WDR37: variants seen among roughly 807,000 people sequenced by gnomAD.
The protein encoded by WDR37 is WD repeat domain 37.
A neutral mutation model predicts 62.9 loss-of-function variants in WDR37; 19 were observed. That is an observed-to-expected ratio of 0.30 (90% confidence interval 0.21 to 0.44). WDR37 has a LOEUF of 0.44. WDR37 is among the 20% of genes least tolerant of loss of function. The probability of loss-of-function intolerance (pLI) is 1.00; values close to 1 mark genes in which losing one functional copy is unlikely to be tolerated. For missense variants in WDR37, 474 were observed against 657.6 expected, an observed-to-expected ratio of 0.72 and a Z score of 3.05; for synonymous variants, 250 against 260.9, an observed-to-expected ratio of 0.96 and a Z score of 0.40.
chr10:1,123,944 C>G (rs781648993), intron 11 of WDR37: 1 of 408,018 alleles, frequency 2.5e-6, no homozygotes, highest in Non-Finnish European at 4.4e-6. Context: ...TCTGTCCAAC[C>G]CTACTTTCTG....
intron 2 of WDR37, among the ~76,000 whole-genome samples, chr10:1,075,391 C>T (rs924318735): frequency 1.3e-5 from 2 of 151,906 alleles, no homozygotes; most frequent in Non-Finnish European, 2.9e-5. Flanking sequence ...ATCAACCTGT[C>T]ACCTACATAA....
At chr10:1,124,145 A>G in intron 11 of WDR37, 73 bp from the exon 12 acceptor site, 2 of 1,593,096 alleles carry the variant, frequency 1.3e-6, no homozygotes, top group Non-Finnish European at 1.7e-6. Context: ...CCACTTGGTC[A>G]GGGTTGTGTG....
At chr10:1,122,960 C>CAT in intron 11 of WDR37, among the ~76,000 whole-genome samples, 1 of 152,170 alleles carries the variant, frequency 6.6e-6, no homozygotes, top group Non-Finnish European at 1.5e-5. Context: ...ATGTCAAACA[C>CAT]TTTTTTTTAC....
At chr10:1,125,192 C>A in intron 13 of WDR37, 168 bp downstream of exon 13, 19 of 791,410 alleles carry the variant, frequency 2.4e-5, no homozygotes, top group Non-Finnish European at 2.9e-5. Flanking sequence ...TAGAGTTGTA[C>A]ACTCAAGTTA....
chr10:1,121,093 C>A lies in WDR37; in HGVS notation c.1104-3125C>A, dbSNP rs1835564857. Among the ~76,000 whole-genome samples the A allele has an allele frequency of 6.6e-6, 1 of 152,234 alleles. No homozygotes were observed. Among genetic ancestry groups the A allele is most frequent in the African/African-American group, 2.4e-5 (1 of 41,470 alleles). ...CCAGTGCACGGCCGTGCGCGCCAGC[C>A]TCCCCATGGGACCTGTGGGCTGAGG... On this transcript the variant is annotated intron_variant, in intron 11 of 13. Coordinates refer to ENST00000263150, the MANE Select transcript of WDR37 (RefSeq NM_014023.4). This position sits in a 1 kb window ranked among gnomAD's most constrained non-coding sequence, Gnocchi z 4.5.
intron 1 of WDR37, among the ~76,000 whole-genome samples, chr10:1,061,420 A>C (rs1308458233): frequency 6.6e-6 from 1 of 152,214 alleles, no homozygotes; most frequent in African/African-American, 2.4e-5. Context: ...ATCCTAATCC[A>C]AAAATTCAAA....
chr10:1,114,866 C>T (rs558989865), intron 11 of WDR37, among the ~76,000 whole-genome samples: 1 of 152,338 alleles, frequency 6.6e-6, no homozygotes, highest in Non-Finnish European at 1.5e-5. Flanking sequence ...CAGGCCATTC[C>T]AGCGTGGGCC....
Position 1,117,076 on chromosome 10 carries a change from A to G in WDR37, c.1104-7142A>G, listed in dbSNP as rs929218601. Reference sequence around the variant, plus strand: ...ATTTTTATTGGTTTATTTTTTTGAGACAGGGCGTCACCCTCTCGCCTAGGC... The same window carrying G: ...ATTTTTATTGGTTTATTTTTTTGAGGCAGGGCGTCACCCTCTCGCCTAGGC... On this transcript the variant is annotated intron_variant, in intron 11 of 13. Coordinates refer to ENST00000263150, the MANE Select transcript of WDR37 (RefSeq NM_014023.4). Among the ~76,000 whole-genome samples, 4 of 152,002 alleles carry G rather than the reference A, an allele frequency of 2.6e-5. No individual in the cohort carries two copies. In the East Asian group the frequency reaches 7.7e-4, roughly 29 times the overall value.
At chr10:1,112,261 A>G (rs1454884796) in intron 11 of WDR37, among the ~76,000 whole-genome samples, 1 of 152,212 alleles carries the variant, frequency 6.6e-6, no homozygotes, top group Non-Finnish European at 1.5e-5. Flanking sequence ...GAGGGTGGTC[A>G]GTGACTTTTG....
At chr10:1,067,546 T>G (rs535755994) in intron 1 of WDR37, among the ~76,000 whole-genome samples, 76 of 152,322 alleles carry the variant, frequency 5.0e-4, no homozygotes, top group East Asian at 2.1e-3. Flanking sequence ...CTATAGAGTA[T>G]GTAAAGAACT....
intron 1 of WDR37, among the ~76,000 whole-genome samples, chr10:1,069,205 C>A (rs553308727): frequency 1.3e-5 from 2 of 151,542 alleles, no homozygotes; most frequent in African/African-American, 4.9e-5. Flanking sequence ...GTGTGTGAAT[C>A]GTATATCAAG....
At chr10:1,079,022 T>A (rs970488676) in intron 3 of WDR37, among the ~76,000 whole-genome samples, 1 of 152,210 alleles carries the variant, frequency 6.6e-6, no homozygotes, top group African/African-American at 2.4e-5. Flanking sequence ...TTAATGTTAA[T>A]ACTGGATTCT....
intron 1 of WDR37, among the ~76,000 whole-genome samples, chr10:1,059,082 T>G (rs1311457177): frequency 2.6e-5 from 4 of 152,190 alleles, no homozygotes; most frequent in South Asian, 2.1e-4. Context: ...AAGTGTAAAT[T>G]AAGAATTTGT....
chr10:1,087,862 A>G (rs2131635129), intron 7 of WDR37, among the ~76,000 whole-genome samples: 1 of 152,206 alleles, frequency 6.6e-6, no homozygotes, highest in East Asian at 1.9e-4. Context: ...CTAGCTAGGA[A>G]AGTACTAGAC....
rs1833335710 is a variant in WDR37, at chr10:1,060,327, A to G, written c.-41+3359A>G. 3.3e-5 allele frequency among the ~76,000 whole-genome samples: 5 copies of G among 152,190 alleles called. No homozygotes were observed. In the South Asian group the frequency reaches 1.0e-3, roughly 31 times the overall value. On this transcript the variant is annotated intron_variant, in intron 1 of 13. Transcript: ENST00000263150. ...GTGTATTACGTACACGGCAACATAT[A>G]CTAAGGGCAGGTGAACTGGACAGAC...
chr10:1,089,512 G>A (rs1258087636), intron 7 of WDR37, among the ~76,000 whole-genome samples: 2 of 152,122 alleles, frequency 1.3e-5, no homozygotes, highest in African/African-American at 2.4e-5. Flanking sequence ...CCTTGTCCCA[G>A]CAGGAAGAAG....
rs2131664695 is a variant in WDR37 at position 1,105,905 on chromosome 10, C to T, written c.1103+638C>T. ...GGTTCACGCCATTCTCCTGCCTCAG[C>T]CTCCCGAGTAGCTGGGACTAGAGGC... On this transcript the variant is annotated intron_variant, in intron 11 of 13. Coordinates refer to ENST00000263150, the MANE Select transcript of WDR37 (RefSeq NM_014023.4). This position sits in a 1 kb window ranked among gnomAD's most constrained non-coding sequence, Gnocchi z 5.3. 6.6e-6 allele frequency among the ~76,000 whole-genome samples: 1 copy of T among 152,248 alleles called. No individual in the cohort carries two copies. Among genetic ancestry groups the T allele is most frequent in the Non-Finnish European group, 1.5e-5 (1 of 68,010 alleles).
chr10:1,103,675 G>A lies in WDR37; in HGVS notation c.800G>A (p.Cys267Tyr). The A allele has an allele frequency of 1.2e-6, 2 of 1,614,234 alleles. No homozygotes were observed. The highest frequency in any genetic ancestry group is 2.2e-5 in the South Asian group (2 of 91,086). Residue 267 changes from cysteine (C) to tyrosine (Y), a missense_variant, in exon 10 of 14, where the codon TGC becomes TAC. Coordinates refer to ENST00000263150, the MANE Select transcript of WDR37 (RefSeq NM_014023.4). This position sits in a 1 kb window ranked among gnomAD's most constrained non-coding sequence, Gnocchi z 6.3. ...CTCGATGGGGATGTGTCCAGCGACT[G>A]CCCCACCATCCGCGTCCCACTGACA... ...PDLDGDVSSD[C>Y]PTIRVPLTSL...
chr10:1,084,644 C>T (rs1297263791), intron 6 of WDR37, 106 bp downstream of exon 6: 13 of 1,506,234 alleles, frequency 8.6e-6, no homozygotes, highest in Middle Eastern at 2.0e-4. Flanking sequence ...GATGCAAAAG[C>T]GTCATGGAGG....
Sources: gnomAD v4.1 joint callset for allele counts (sites outside exome capture counted in the v4.1 genomes callset) on GRCh38, gnomAD v4.1.1 for gene constraint, Gnocchi (gnomAD v3.1) non-coding constraint, MANE v1.5 for transcripts, NCBI Gene and HGNC (gene_info 2026-07-23, HGNC 2026-07-21) for gene names.